Variants in TOX2 observed in about 807,000 individuals in gnomAD.
TOX2 encodes the protein granulosa cell HMG box 1.
Under a neutral mutation model 47.4 loss-of-function variants are expected in TOX2, and 15 were observed. The ratio of observed to expected loss-of-function variants is 0.32; its 90% CI spans 0.21 to 0.49. TOX2 has a LOEUF of 0.49. Ranked by LOEUF, TOX2 falls within the 20% of genes least tolerant of loss-of-function variation. TOX2 has a pLI of 0.99. For missense variants in TOX2, 622 were observed against 673.1 expected (o/e 0.92, Z 0.84); for synonymous variants, 290 against 296.6 (o/e 0.98, Z 0.23).
At chr20:44,048,761 A>G (rs1489750694) in intron 3 of TOX2, among the ~76,000 whole-genome samples, 10 of 152,164 alleles carry the variant, frequency 6.6e-5, no homozygotes, top group Non-Finnish European at 1.3e-4. Flanking sequence ...GGCAAAAAAA[A>G]AAATGAGACA....
At chr20:44,032,190 T>G (rs916307019) in intron 3 of TOX2, among the ~76,000 whole-genome samples, 3 of 151,666 alleles carry the variant, frequency 2.0e-5, no homozygotes, top group African/African-American at 7.3e-5. Flanking sequence ...GGGAGCAGGG[T>G]GAGTATCCCC....
chr20:44,009,402 C>T lies in TOX2; in HGVS notation c.411+2610C>T, dbSNP rs375202015. On this transcript the variant is annotated intron_variant, in intron 3 of 8. Coordinates refer to ENST00000341197, the MANE Select transcript of TOX2 (RefSeq NM_001098797.2). ...CACATTTCATAGTGTTTGGTTCTCACGAAAGAGTTCAATGAAAATGGATGC... is the reference window on the plus strand; with the variant it reads ...CACATTTCATAGTGTTTGGTTCTCATGAAAGAGTTCAATGAAAATGGATGC... Among the ~76,000 whole-genome samples, 17 of 152,236 alleles carry T rather than the reference C, an allele frequency of 1.1e-4. No homozygotes were observed. The South Asian group carries it at 2.3e-3, about 20-fold the overall frequency.
chr20:43,951,676 A>G (rs1420878205), intron 1 of TOX2, among the ~76,000 whole-genome samples: 1 of 132,840 alleles, frequency 7.5e-6, no homozygotes, highest in Non-Finnish European at 1.7e-5. Flanking sequence ...GTAGATGATC[A>G]GCAAATGACC....
In TOX2 at chr20:44,013,609, A is replaced by G. The variant is rs535262896; in HGVS notation, c.411+6817A>G. On this transcript the variant is annotated intron_variant, in intron 3 of 8. Coordinates refer to ENST00000341197, the MANE Select transcript of TOX2 (RefSeq NM_001098797.2). ...TTTTGCTGTGTAACAAACTACCCCA[A>G]TACCTAGTGGCTTAAAACAATGAAT... 3.3e-5 allele frequency among the ~76,000 whole-genome samples: 5 copies of G among 152,318 alleles called. No homozygotes were observed. In the South Asian group the frequency reaches 8.3e-4, roughly 25 times the overall value.
At chr20:44,053,532 CATATATACTAT>C (rs1191250744) in intron 4 of TOX2, among the ~76,000 whole-genome samples, 6 of 44,540 alleles carry the variant, frequency 1.3e-4, no homozygotes, top group Non-Finnish European at 3.2e-4. Context: ...CATATATATA[CATATATACTAT>C]ATATATACAT....
chr20:43,925,363 G>T (rs945929276), intron 1 of TOX2, among the ~76,000 whole-genome samples: 4 of 152,160 alleles, frequency 2.6e-5, no homozygotes, highest in African/African-American at 9.7e-5. Flanking sequence ...TCTGTGTGTG[G>T]TGTGTGAGTG....
intron 3 of TOX2, among the ~76,000 whole-genome samples, chr20:44,044,198 G>GT (rs1389862345): frequency 1.3e-5 from 2 of 152,118 alleles, no homozygotes; most frequent in African/African-American, 4.8e-5. Flanking sequence ...AACACCACGT[G>GT]TTGTCACTCA....
At chr20:43,925,367 G>A (rs865800860) in intron 1 of TOX2, among the ~76,000 whole-genome samples, 2 of 152,162 alleles carry the variant, frequency 1.3e-5, no homozygotes, top group African/African-American at 4.8e-5. Flanking sequence ...TGTGTGGTGT[G>A]TGAGTGCAGA....
chr20:44,048,391 TATA>T lies in TOX2; in HGVS notation c.412-2914_412-2912del, dbSNP rs1569132931. 3.9e-3 allele frequency among the ~76,000 whole-genome samples: 479 copies of T among 122,908 alleles called. 16 individuals carry two copies. The highest frequency in any genetic ancestry group is 0.015 in the African/African-American group (452 of 30,766). 80.6% of individuals were successfully genotyped at this position (122,908 alleles called of 152,430 possible). On this transcript the variant is annotated intron_variant, in intron 3 of 8. Coordinates refer to ENST00000341197, the MANE Select transcript of TOX2 (RefSeq NM_001098797.2). ...TTAGTATCTGGATAAAATGAATTTA[TATA>T]TATATATATATATATATATGTATAA...
At position 43,947,831 on chromosome 20, in the gene TOX2, C is replaced by T. The variant is rs1167939613; in HGVS notation, c.100-25536C>T. 1.4e-4 allele frequency among the ~76,000 whole-genome samples: 21 copies of T among 152,142 alleles called. 1 individual carries two copies. Among genetic ancestry groups the T allele is most frequent in the African/African-American group, 2.4e-5 (1 of 41,426 alleles). On this transcript the variant is annotated intron_variant, in intron 1 of 8. Coordinates refer to ENST00000341197, the MANE Select transcript of TOX2 (RefSeq NM_001098797.2). ...AGCCAGCATTCAGATTGCTACCTGA[C>T]GACCTGTTTGCTGAGAGCCCCTGGC...
At chr20:44,007,484 G>T (rs546655515) in intron 3 of TOX2, 9 of 152,426 alleles carry the variant, frequency 5.9e-5, no homozygotes, top group African/African-American at 1.9e-4. Flanking sequence ...ACCAGTAGTG[G>T]GATTGTGCCT....
intron 2 of TOX2, among the ~76,000 whole-genome samples, chr20:43,984,613 C>T (rs763475478): frequency 7.2e-5 from 11 of 152,072 alleles, no homozygotes; most frequent in Non-Finnish European, 8.8e-5. Context: ...TATTTGAGGG[C>T]GCAGGCATGG....
At position 43,977,782 on chromosome 20, in the gene TOX2, AG is replaced by A. The variant is rs753215619; in HGVS notation, c.165+4356del. On this transcript the variant is annotated intron_variant, in intron 2 of 8. Coordinates refer to ENST00000341197, the MANE Select transcript of TOX2 (RefSeq NM_001098797.2). The stretch of plus-strand genomic sequence containing the variant: ...GGGCTGTGTCCCCATCAGCAGCTCC[AG>A]GGGGGTAGAGGACCTGGTAGAGGTC... Among the ~76,000 whole-genome samples the A allele has an allele frequency of 5.9e-4, 89 of 152,114 alleles. 2 individuals carry two copies. Among genetic ancestry groups the A allele is most frequent in the Non-Finnish European group, 2.6e-4 (18 of 68,004 alleles).
chr20:43,991,501 C>G (rs928424830), intron 2 of TOX2, among the ~76,000 whole-genome samples: 3 of 152,146 alleles, frequency 2.0e-5, no homozygotes, highest in African/African-American at 7.2e-5. Flanking sequence ...TCCTTTTATT[C>G]AGTAAATGTT....
intron 5 of TOX2, among the ~76,000 whole-genome samples, chr20:44,058,761 T>G (rs750889585): frequency 3.9e-5 from 6 of 152,194 alleles, no homozygotes; most frequent in Non-Finnish European, 8.8e-5. Context: ...CAGAGCCCGG[T>G]AGCTCCGCTG....
intron 1 of TOX2, among the ~76,000 whole-genome samples, chr20:43,937,549 G>A (rs2069342501): frequency 6.6e-6 from 1 of 152,156 alleles, no homozygotes; most frequent in Admixed American, 6.5e-5. Context: ...TTTGGACTCA[G>A]TCCTGCTGGC....
At chr20:44,067,033 G>A (rs1335000380) in intron 8 of TOX2, among the ~76,000 whole-genome samples, 176 bp downstream of exon 8, 2 of 152,212 alleles carry the variant, frequency 1.3e-5, no homozygotes, top group Non-Finnish European at 2.9e-5. Flanking sequence ...GGCCCCGGAA[G>A]GACTCTGCTG....
chr20:43,958,459 C>A (rs551374544), intron 1 of TOX2, among the ~76,000 whole-genome samples: 1 of 152,344 alleles, frequency 6.6e-6, no homozygotes, highest in South Asian at 2.1e-4. Context: ...TTTGCTCACT[C>A]TGGACCCACT....
At chr20:44,007,880 C>A (rs2070714716) in intron 3 of TOX2, among the ~76,000 whole-genome samples, 2 of 152,124 alleles carry the variant, frequency 1.3e-5, no homozygotes, top group Admixed American at 1.3e-4. Context: ...CAGCCCTAGG[C>A]AACCACTAAT....
Sources: allele counts gnomAD v4.1 joint callset (sites outside exome capture counted in the v4.1 genomes callset), GRCh38; gene constraint gnomAD v4.1.1; transcripts MANE v1.5; gene names NCBI Gene and HGNC (gene_info 2026-07-23, HGNC 2026-07-21).